NOTCH4: variants seen among roughly 807,000 people sequenced by gnomAD.
NOTCH4 encodes the protein notch receptor 4, also known as neurogenic locus notch homolog protein 4.
NOTCH4 carries 138 observed loss-of-function variants against 189.0 expected under a neutral mutation model. That is an observed-to-expected ratio of 0.73 (90% CI 0.64 to 0.84). The LOEUF (loss-of-function observed/expected upper bound fraction) is 0.84. NOTCH4 is among the 40% of genes least tolerant of loss of function. The pLI is 0.00. For synonymous variants in NOTCH4, 942 were observed against 1,032.8 expected (o/e 0.91, Z 1.69); for missense variants, 2,286 against 2,605.4 (o/e 0.88, Z 2.67).
rs200223154 is a variant in NOTCH4 at position 32,195,781 on chromosome 6, C to A, written c.5668G>T (p.Gly1890Trp). The change falls in exon 30 of 30, where the codon GGG (glycine) becomes TGG (tryptophan). Residue 1890 changes from glycine to tryptophan, a missense_variant. Gly to Trp is a radical substitution (Grantham distance 184, BLOSUM62 -2). Coordinates refer to ENST00000375023, the MANE Select transcript of NOTCH4 (RefSeq NM_004557.4). The surrounding 1 kb of genome is among the most constrained non-coding windows in gnomAD (Gnocchi z 5.4). ...RTWSVDLAAR[G>W]GGAYSHCRSL... ...CGGCAATGAGAATAGGCCCCGCCCC[C>A]CCGCGCAGCCAAGTCTACGGACCAA... 5.8e-5 allele frequency: 94 copies of A among 1,607,340 alleles called. No individual in the cohort carries two copies. Among genetic ancestry groups the A allele is most frequent in the Non-Finnish European group, 2.4e-5 (28 of 1,179,480 alleles).
chr6:32,204,349 A>C lies in NOTCH4; in HGVS notation c.2906T>G (p.Leu969Arg), dbSNP rs1169386743. The change falls in exon 19 of 30, where the codon CTC becomes CGC. Residue 969 changes from leucine (L) to arginine (R), a missense_variant. Leu to Arg is a moderately radical substitution (Grantham distance 102, BLOSUM62 -2). Transcript: ENST00000375023. Reference sequence around the variant, plus strand: ...ACAGGGTTGGGACTGACAAGCATCGAGTTCCTTTGAGCAGTTCTGTCCATC... The same window carrying C: ...ACAGGGTTGGGACTGACAAGCATCGCGTTCCTTTGAGCAGTTCTGTCCATC... ...GYDGQNCSKE[L>R]DACQSQPCHN... 1 of 1,613,074 alleles carries C rather than the reference A, an allele frequency of 6.2e-7. No individual in the cohort carries two copies.
rs1390115237 is a variant in NOTCH4 at position 32,196,156 on chromosome 6, C to T, written c.5299-6G>A. On this transcript the variant is annotated splice_polypyrimidine_tract_variant and splice_region_variant and intron_variant, in intron 29 of 29. Transcript: ENST00000375023. ...AGGAATAGCGGCGTCTGCTCCTGTA[C>T]AGAAGAGCCAGGGCCGATATCAGGG... 1.3e-6 allele frequency: 2 copies of T among 1,588,882 alleles called. No homozygotes were observed. The highest frequency in any genetic ancestry group is 1.7e-6 in the Non-Finnish European group (2 of 1,173,480).
rs569100153 is a variant in NOTCH4, at chr6:32,212,269, G to A, written c.2680+205C>T. 3.3e-5 allele frequency among the ~76,000 whole-genome samples: 5 copies of A among 152,228 alleles called. No individual in the cohort carries two copies. Among genetic ancestry groups the A allele is most frequent in the Non-Finnish European group, 5.9e-5 (4 of 68,028 alleles). ...GGCTGGTTGGTGTTGCTTGAATTGC[G>A]TTAAATGAGGTAACAGGAATTGTGT... On this transcript the variant is annotated intron_variant, in intron 17 of 29. Transcript: ENST00000375023. This position sits in a 1 kb window ranked among gnomAD's most constrained non-coding sequence, Gnocchi z 4.4.
rs1294747223 is a variant in NOTCH4 at position 32,220,417 on chromosome 6, G to C, written c.1147C>G (p.Pro383Ala). The change falls in exon 6 of 30, where the codon CCT becomes GCT. Residue 383 changes from proline (P) to alanine (A), a missense_variant. Physicochemically the swap from Pro to Ala is conservative, Grantham distance 27. This residue lies in a region of NOTCH4 where 1,903 missense variants were observed against 2,261.9 expected (regional missense o/e 0.84). Transcript: ENST00000375023. ...RVGSFSCLCP[P>A]GRTGLLCHLE... The stretch of plus-strand genomic sequence containing the variant: ...TCTACCCCCATACCTGTGCGTCCAG[G>C]TGGGCAGAGGCAGGAGAAAGAGCCC... 6.2e-7 allele frequency: 1 copy of C among 1,614,110 alleles called. No individual in the cohort carries two copies. Among genetic ancestry groups the C allele is most frequent in the Admixed American group, 1.7e-5 (1 of 60,024 alleles).
chr6:32,202,260 A>G lies in NOTCH4; in HGVS notation c.3571T>C (p.Cys1191Arg), dbSNP rs140263712. 1,552 of 1,583,062 alleles carry G rather than the reference A, an allele frequency of 9.8e-4. 5 individuals carry two copies. Among genetic ancestry groups the G allele is most frequent in the Non-Finnish European group, 9.2e-4 (1,072 of 1,159,778 alleles). The change falls in exon 21 of 30, where the codon TGC (cysteine) becomes CGC (arginine). Residue 1191 changes from cysteine to arginine, a missense_variant. This residue lies in a region of NOTCH4 where 1,903 missense variants were observed against 2,261.9 expected (regional missense o/e 0.84). Transcript: ENST00000375023. This position sits in a 1 kb window ranked among gnomAD's most constrained non-coding sequence, Gnocchi z 5.7. ...TCCCAGTTTCCTCCCGGGCCACTGC[A>G]GCCAGCATCGCAGGCCCCATCTCCA... is the stretch of plus-strand genomic sequence containing the variant. ...RSGDGACDAG[C>R]SGPGGNWDGG...
At chr6:32,208,458 TGTG>T (rs1283406182) in intron 18 of NOTCH4, among the ~76,000 whole-genome samples, 1 of 152,202 alleles carries the variant, frequency 6.6e-6, no homozygotes, top group Non-Finnish European at 1.5e-5. Context: ...AAGGGCCAAG[TGTG>T]GTGGCCCATG....
At chr6:32,219,160 T>C (rs1384182531) in intron 8 of NOTCH4, among the ~76,000 whole-genome samples, 1 of 152,242 alleles carries the variant, frequency 6.6e-6, no homozygotes, top group African/African-American at 2.4e-5. Context: ...TTTCCTGTTG[T>C]ATCACAGGGC....
At position 32,212,371 on chromosome 6, in the gene NOTCH4, G is replaced by A; in HGVS notation, c.2680+103C>T. On this transcript the variant is annotated intron_variant, in intron 17 of 29. Transcript: ENST00000375023. This position sits in a 1 kb window ranked among gnomAD's most constrained non-coding sequence, Gnocchi z 4.4. Reference sequence around the variant, plus strand: ...GTCTGTGTGGTTTTGATTCTCAGATGGTTGTTTTGGCCAAAAGCTGTGTGG... The same window carrying A: ...GTCTGTGTGGTTTTGATTCTCAGATAGTTGTTTTGGCCAAAAGCTGTGTGG... 9.1e-7 allele frequency: 1 copy of A among 1,095,786 alleles called. No homozygotes were observed. Among genetic ancestry groups the A allele is most frequent in the Non-Finnish European group, 1.3e-6 (1 of 755,776 alleles). 67.9% of individuals were successfully genotyped at this position (1,095,786 alleles called of 1,614,324 possible).
In NOTCH4 at chr6:32,220,707, G is replaced by C. The variant is rs113730482; in HGVS notation, c.922+49C>G. 4 of 1,612,726 alleles carry C rather than the reference G, an allele frequency of 2.5e-6. No homozygotes were observed. In the African/African-American group the frequency reaches 5.3e-5, roughly 22 times the overall value. ...GCCCTATGAGTAGGGGAGGCCAGGGGCCAACTCTCTGGGCCATGGGTGTCA... is the reference window on the plus strand; with the variant it reads ...GCCCTATGAGTAGGGGAGGCCAGGGCCCAACTCTCTGGGCCATGGGTGTCA... On this transcript the variant is annotated intron_variant, in intron 5 of 29. Coordinates refer to ENST00000375023, the MANE Select transcript of NOTCH4 (RefSeq NM_004557.4).
Position 32,217,956 on chromosome 6 carries a change from C to T in NOTCH4, c.1624+39G>A, listed in dbSNP as rs1561942821. 7.3e-7 allele frequency: 1 copy of T among 1,368,288 alleles called. No individual in the cohort carries two copies. Among genetic ancestry groups the T allele is most frequent in the Non-Finnish European group, 1.0e-6 (1 of 960,158 alleles). The allele number at this position is 1,368,288 out of a possible 1,614,324, so 84.8% of individuals were successfully genotyped here. On this transcript the variant is annotated intron_variant, in intron 9 of 29. Transcript: ENST00000375023. The surrounding 1 kb of genome is among the most constrained non-coding windows in gnomAD (Gnocchi z 4.2). Reference sequence around the variant, plus strand: ...GCCTGAACTCTGCAGGTTCAGAGGCCTGGGGTCTGAGGGTGGCCAGAGAGG... The same window carrying T: ...GCCTGAACTCTGCAGGTTCAGAGGCTTGGGGTCTGAGGGTGGCCAGAGAGG...
At position 32,199,703 on chromosome 6, in the gene NOTCH4, C is replaced by CAAACAAAACA. The variant is rs9281669; in HGVS notation, c.4316-568_4316-559dup. ...TGGGCGACAAGGCAAGACTCTGTCT[C>CAAACAAAACA]AAACAAAACAAAACAAAAACAAAAA... On this transcript the variant is annotated intron_variant, in intron 23 of 29. Coordinates refer to ENST00000375023, the MANE Select transcript of NOTCH4 (RefSeq NM_004557.4). The surrounding 1 kb of genome is among the most constrained non-coding windows in gnomAD (Gnocchi z 4.9). 0.66 allele frequency among the ~76,000 whole-genome samples: 99,548 copies of CAAACAAAACA among 150,570 alleles called. 33,244 individuals are homozygous for CAAACAAAACA. The highest frequency in any genetic ancestry group is 0.8 in the Middle Eastern group (231 of 290).
intron 26 of NOTCH4, 142 bp from the exon 27 acceptor site, chr6:32,197,736 C>T (rs1323583977): frequency 4.9e-6 from 3 of 611,872 alleles, no homozygotes; most frequent in African/African-American, 3.9e-5. Context: ...AGTGACTTTT[C>T]TGCTTTTCTC....
chr6:32,210,858 G>A lies in NOTCH4; in HGVS notation c.2759C>T (p.Pro920Leu), dbSNP rs770369757. 6 of 1,612,720 alleles carry A rather than the reference G, an allele frequency of 3.7e-6. No homozygotes were observed. Among genetic ancestry groups the A allele is most frequent in the Non-Finnish European group, 5.1e-6 (6 of 1,179,816 alleles). Residue 920 changes from proline to leucine, a missense_variant, in exon 18 of 30, where the codon CCT (proline) becomes CTT (leucine). Around this residue, in one of 2 missense-constraint regions of NOTCH4, gnomAD observed 1,903 missense variants for 2,261.9 expected, o/e 0.84. Coordinates refer to ENST00000375023, the MANE Select transcript of NOTCH4 (RefSeq NM_004557.4). The surrounding 1 kb of genome is among the most constrained non-coding windows in gnomAD (Gnocchi z 4.8). The stretch of plus-strand genomic sequence containing the variant: ...CTGGCACAGGCTGCCTTGGAATCCA[G>A]GGGGGCAGTGGCAGAAATAGGAGGG... ...SGPSYFCHCP[P>L]GFQGSLCQDH...
intron 12 of NOTCH4, among the ~76,000 whole-genome samples, chr6:32,214,885 C>A (rs1789303795): frequency 6.6e-6 from 1 of 152,210 alleles, no homozygotes; most frequent in Non-Finnish European, 1.5e-5. Flanking sequence ...CTCGGCCTCC[C>A]AAAGTGCTGG....
intron 2 of NOTCH4, 47 bp from the exon 3 acceptor site, chr6:32,222,853 T>A (rs1789875589): frequency 6.2e-7 from 1 of 1,600,026 alleles, no homozygotes; most frequent in South Asian, 1.1e-5. Flanking sequence ...TCCCTCTTCC[T>A]ATTCTTGCCC....
chr6:32,215,449 A>G, intron 11 of NOTCH4, 64 bp from the exon 12 acceptor site: 2 of 1,488,540 alleles, frequency 1.3e-6, no homozygotes, highest in Non-Finnish European at 1.8e-6. Context: ...GGCCAAAGCC[A>G]CATCCTTCAT....
In NOTCH4 at chr6:32,198,807, A is replaced by G; in HGVS notation, c.4536-77T>C. The stretch of plus-strand genomic sequence containing the variant: ...CTCCAAAATTTCCAGCAGGCTTCCC[A>G]CCCCTCTCTCCTTCCCCTATCTTTG... On this transcript the variant is annotated intron_variant, in intron 24 of 29. Coordinates refer to ENST00000375023, the MANE Select transcript of NOTCH4 (RefSeq NM_004557.4). The surrounding 1 kb of genome is among the most constrained non-coding windows in gnomAD (Gnocchi z 5.5). 6.7e-7 allele frequency: 1 copy of G among 1,489,954 alleles called. No individual in the cohort carries two copies. The highest frequency in any genetic ancestry group is 9.1e-7 in the Non-Finnish European group (1 of 1,100,388). 92.3% of individuals were successfully genotyped at this position (1,489,954 alleles called of 1,614,324 possible).
At position 32,198,976 on chromosome 6, in the gene NOTCH4, T is replaced by C. The variant is rs372744900; in HGVS notation, c.4485A>G (p.Ser1495=). ...GTGGGGGCCGGCGTCGGTGGGGAGC[T>C]GACTGAGTCCGAGGCCGTCGAGTGA... ...PGFTRRPRTQ[S]APHRRRPPLG... The change falls in exon 24 of 30, where the codon TCA becomes TCG. Residue 1495 remains serine (S), a synonymous_variant. Coordinates refer to ENST00000375023, the MANE Select transcript of NOTCH4 (RefSeq NM_004557.4). This position sits in a 1 kb window ranked among gnomAD's most constrained non-coding sequence, Gnocchi z 5.5. 6.2e-7 allele frequency: 1 copy of C among 1,608,158 alleles called. No individual in the cohort carries two copies. The highest frequency in any genetic ancestry group is 1.3e-5 in the African/African-American group (1 of 74,786).
chr6:32,223,183 C>T (rs1789903725), intron 1 of NOTCH4, 97 bp from the exon 2 acceptor site: 1 of 878,298 alleles, frequency 1.1e-6, no homozygotes, highest in African/African-American at 1.6e-5. Context: ...ACAGCAGCTC[C>T]CACAGGTACT....
Sources: gnomAD v4.1 joint callset for allele counts (sites outside exome capture counted in the v4.1 genomes callset) on GRCh38, gnomAD v4.1.1 for gene constraint, gnomAD v4.1.1 regional missense constraint, Gnocchi (gnomAD v3.1) non-coding constraint, MANE v1.5 for transcripts, NCBI Gene and HGNC (gene_info 2026-07-23, HGNC 2026-07-21) for gene names.